Variants in DENND1A observed in about 807,000 individuals in gnomAD.
The protein encoded by DENND1A is DENN domain containing 1A, also known as DENN domain-containing protein 1A.
In DENND1A, 51 loss-of-function variants were observed where a neutral mutation model predicts 113.7. The observed-to-expected ratio is 0.45, with a 90% confidence interval of 0.36 to 0.57. The LOEUF is 0.57. DENND1A is among the 20% of genes least tolerant of loss of function. The probability of loss-of-function intolerance (pLI) is 0.00; values close to 1 mark genes in which losing one functional copy is unlikely to be tolerated. For missense variants in DENND1A, 1,258 were observed against 1,395.9 expected (o/e 0.90, Z 1.57); for synonymous variants, 565 against 570.8 (o/e 0.99, Z 0.14).
intron 1 of DENND1A, among the ~76,000 whole-genome samples, chr9:123,886,805 A>G (rs1386781879): frequency 6.6e-6 from 1 of 152,214 alleles, no homozygotes; most frequent in Non-Finnish European, 1.5e-5. Flanking sequence ...GAGACTTGTT[A>G]GAAAATTAAC....
chr9:123,923,464 C>G (rs1035151318), intron 1 of DENND1A, among the ~76,000 whole-genome samples: 1 of 152,172 alleles, frequency 6.6e-6, no homozygotes, highest in Non-Finnish European at 1.5e-5. Flanking sequence ...GGAAGAAGGC[C>G]TGGAAGGAAG....
At chr9:123,564,744 C>T (rs2057952181) in intron 12 of DENND1A, among the ~76,000 whole-genome samples, 1 of 152,204 alleles carries the variant, frequency 6.6e-6, no homozygotes. Flanking sequence ...TCATTTCAAT[C>T]CATTTAAATT....
chr9:123,924,760 T>C (rs1449584888), intron 1 of DENND1A, among the ~76,000 whole-genome samples: 2 of 152,146 alleles, frequency 1.3e-5, no homozygotes, highest in Non-Finnish European at 2.9e-5. Flanking sequence ...TACCACAACC[T>C]ACAAGGCCCT....
chr9:123,890,850 A>AC (rs1444607070), intron 1 of DENND1A, among the ~76,000 whole-genome samples: 1 of 152,162 alleles, frequency 6.6e-6, no homozygotes, highest in Non-Finnish European at 1.5e-5. Context: ...TTGTATCCTC[A>AC]CAATTACATG....
At chr9:123,660,282 C>T (rs967773669) in intron 8 of DENND1A, among the ~76,000 whole-genome samples, 11 of 152,218 alleles carry the variant, frequency 7.2e-5, no homozygotes, top group East Asian at 3.9e-4. Flanking sequence ...AAACAAACAA[C>T]GCTAGCCTTT....
At chr9:123,929,697 C>T (rs1284393017) in intron 1 of DENND1A, among the ~76,000 whole-genome samples, 192 bp downstream of exon 1, 1 of 151,844 alleles carries the variant, frequency 6.6e-6, no homozygotes. Context: ...CGCCCTGCCA[C>T]CCCGCGCGCA....
intron 13 of DENND1A, among the ~76,000 whole-genome samples, chr9:123,487,822 G>A (rs2051025932): frequency 6.6e-6 from 1 of 152,220 alleles, no homozygotes; most frequent in African/African-American, 2.4e-5. Context: ...TGATATTTCT[G>A]GAGCCCTTAT....
At chr9:123,492,432 C>G (rs2051456607) in intron 13 of DENND1A, among the ~76,000 whole-genome samples, 1 of 152,146 alleles carries the variant, frequency 6.6e-6, no homozygotes, top group South Asian at 2.1e-4. Context: ...GCCCAAGGCA[C>G]TCAGGAACAT....
intron 17 of DENND1A, 127 bp from the exon 18 acceptor site, chr9:123,450,876 A>G: frequency 1.5e-6 from 1 of 679,826 alleles, no homozygotes; most frequent in South Asian, 2.1e-5. Flanking sequence ...GGGATCATCA[A>G]GTCGAAAACA....
intron 6 of DENND1A, among the ~76,000 whole-genome samples, chr9:123,675,478 T>C (rs2064020799): frequency 6.6e-6 from 1 of 152,172 alleles, no homozygotes; most frequent in Admixed American, 6.5e-5. Context: ...GGCACCCTTT[T>C]CATGGACCAT....
chr9:123,416,629 GTTCAA>G (rs1367878883), intron 19 of DENND1A, among the ~76,000 whole-genome samples: 1 of 152,226 alleles, frequency 6.6e-6, no homozygotes, highest in Non-Finnish European at 1.5e-5. Flanking sequence ...GCTAAGGAGA[GTTCAA>G]TTCGACAGTT....
At chr9:123,404,069 C>G (rs1393097539) in intron 20 of DENND1A, among the ~76,000 whole-genome samples, 4 of 152,206 alleles carry the variant, frequency 2.6e-5, no homozygotes, top group Non-Finnish European at 5.9e-5. Flanking sequence ...CAGGGTTCAG[C>G]CTGGATGCTG....
intron 2 of DENND1A, among the ~76,000 whole-genome samples, chr9:123,845,233 A>T (rs1232684837): frequency 6.6e-6 from 1 of 152,102 alleles, no homozygotes; most frequent in East Asian, 1.9e-4. Context: ...AAAACAAAAA[A>T]AAAATCAACA....
chr9:123,786,116 G>A (rs753813193), intron 3 of DENND1A, among the ~76,000 whole-genome samples: 7 of 151,928 alleles, frequency 4.6e-5, no homozygotes, highest in Non-Finnish European at 8.8e-5. Context: ...GGGAGGCTGA[G>A]ACATAAGAAT....
intron 13 of DENND1A, among the ~76,000 whole-genome samples, chr9:123,471,519 T>C (rs953213650): frequency 2.6e-5 from 4 of 152,192 alleles, no homozygotes. Context: ...GTGCAGGACA[T>C]GTGACAGGGC....
At chr9:123,395,812 G>A (rs908866980) in intron 21 of DENND1A, among the ~76,000 whole-genome samples, 1 of 152,108 alleles carries the variant, frequency 6.6e-6, no homozygotes, top group Non-Finnish European at 1.5e-5. Context: ...GTTACCGGAC[G>A]CCCCTACCCC....
chr9:123,867,461 A>G (rs1845946841), intron 2 of DENND1A, among the ~76,000 whole-genome samples: 2 of 152,188 alleles, frequency 1.3e-5, no homozygotes, highest in Admixed American at 1.3e-4. Context: ...AAACCTGAAG[A>G]TCGGTATTTT....
intron 2 of DENND1A, among the ~76,000 whole-genome samples, chr9:123,818,567 C>CAT (rs148656992): frequency 1.8e-3 from 77 of 42,052 alleles, no homozygotes; most frequent in African/African-American, 3.3e-3. Flanking sequence ...CACACACACA[C>CAT]ATATATATAT....
intron 9 of DENND1A, among the ~76,000 whole-genome samples, chr9:123,639,232 G>A (rs142448189): frequency 0.016 from 2,372 of 151,830 alleles, 54 homozygotes; most frequent in African/African-American, 0.053. Flanking sequence ...CAGGTCAGGA[G>A]TTCGAGACCA....
Sources: gnomAD v4.1 joint callset for allele counts (sites outside exome capture counted in the v4.1 genomes callset) on GRCh38, gnomAD v4.1.1 for gene constraint, MANE v1.5 for transcripts, NCBI Gene and HGNC (gene_info 2026-07-23, HGNC 2026-07-21) for gene names.